The following CPQ variants were observed in gnomAD, a reference collection of about 807,000 sequenced individuals.
CPQ encodes carboxypeptidase Q.
CPQ carries 37 observed loss-of-function variants against 45.7 expected under a neutral mutation model. That is an observed-to-expected ratio of 0.81 (90% confidence interval 0.62 to 1.07). The LOEUF (loss-of-function observed/expected upper bound fraction) is 1.07. CPQ is among the 50% of genes least tolerant of loss of function. CPQ has a pLI of 0.00. For missense variants in CPQ, 537 were observed against 572.9 expected (o/e 0.94, Z 0.64); for synonymous variants, 186 against 205.8 (o/e 0.90, Z 0.82).
At chr8:97,021,986 T>A (rs1258282671) in intron 5 of CPQ, among the ~76,000 whole-genome samples, 3 of 152,112 alleles carry the variant, frequency 2.0e-5, no homozygotes, top group Admixed American at 6.6e-5. Flanking sequence ...ACAAACCATA[T>A]TATAAGGCCA....
chr8:97,093,273 G>T (rs1381258271), intron 7 of CPQ, among the ~76,000 whole-genome samples: 3 of 152,228 alleles, frequency 2.0e-5, no homozygotes, highest in Admixed American at 6.5e-5. Flanking sequence ...ATTTTTCAAA[G>T]AACTTAAAAC....
At chr8:96,888,014 G>T (rs1038793663) in intron 4 of CPQ, among the ~76,000 whole-genome samples, 6 of 152,140 alleles carry the variant, frequency 3.9e-5, no homozygotes, top group Non-Finnish European at 8.8e-5. Flanking sequence ...TTTTTTCAGT[G>T]TGGGGCAGGA....
chr8:97,007,144 C>T (rs985254668), intron 5 of CPQ, among the ~76,000 whole-genome samples: 3 of 152,140 alleles, frequency 2.0e-5, no homozygotes, highest in African/African-American at 7.2e-5. Flanking sequence ...AAGCAGGTCT[C>T]CAATATACCG....
intron 3 of CPQ, among the ~76,000 whole-genome samples, chr8:96,846,446 T>C (rs1258703709): frequency 6.6e-6 from 1 of 152,220 alleles, no homozygotes. Context: ...TTTTGTGTCA[T>C]AGAGTCTTTT....
At chr8:96,808,369 C>G (rs563964403) in intron 2 of CPQ, among the ~76,000 whole-genome samples, 2 of 152,244 alleles carry the variant, frequency 1.3e-5, no homozygotes, top group Admixed American at 1.3e-4. Context: ...TATGGGATCA[C>G]AGTGAGCCTG....
At chr8:96,680,702 G>C (rs1054855715) in intron 1 of CPQ, among the ~76,000 whole-genome samples, 11 of 152,188 alleles carry the variant, frequency 7.2e-5, no homozygotes, top group African/African-American at 2.7e-4. Context: ...TTGGGACTGG[G>C]TAACATGCAG....
intron 1 of CPQ, among the ~76,000 whole-genome samples, chr8:96,694,175 A>G (rs1206245358): frequency 6.6e-6 from 1 of 152,156 alleles, no homozygotes; most frequent in Non-Finnish European, 1.5e-5. Context: ...CTTCACAAAA[A>G]GGAAGACAGA....
intron 4 of CPQ, among the ~76,000 whole-genome samples, chr8:96,963,379 C>G (rs1444406212): frequency 6.6e-6 from 1 of 152,064 alleles, no homozygotes; most frequent in East Asian, 1.9e-4. Flanking sequence ...TTATTTTTCC[C>G]TCTTAGAAAC....
chr8:97,105,559 A>G (rs1811390390), intron 7 of CPQ, among the ~76,000 whole-genome samples: 1 of 152,228 alleles, frequency 6.6e-6, no homozygotes, highest in Non-Finnish European at 1.5e-5. Flanking sequence ...GCATTTTGAC[A>G]TAAATTACAG....
At position 96,662,663 on chromosome 8, in the gene CPQ, G is replaced by C. The variant is rs138431556; in HGVS notation, c.-35+17261G>C. On this transcript the variant is annotated intron_variant, in intron 1 of 7. Transcript: ENST00000220763. ...TTTTGGGGTAAGGAGCTGGGGTCTGGCATTTCCTTTTTGTTGGTTTTTCAA... is the reference window on the plus strand; with the variant it reads ...TTTTGGGGTAAGGAGCTGGGGTCTGCCATTTCCTTTTTGTTGGTTTTTCAA... Among the ~76,000 whole-genome samples the C allele has an allele frequency of 7.3e-4, 111 of 152,224 alleles. 1 individual carries two copies. In the East Asian group the frequency reaches 0.019, roughly 26 times the overall value.
chr8:96,859,904 T>C (rs573736283), intron 3 of CPQ, among the ~76,000 whole-genome samples: 20 of 152,196 alleles, frequency 1.3e-4, no homozygotes, highest in Non-Finnish European at 2.2e-4. Flanking sequence ...CAATTACTAA[T>C]ATCTGGAATT....
intron 1 of CPQ, among the ~76,000 whole-genome samples, chr8:96,717,024 AATATATATATATATATATATATAT>A (rs58338307): frequency 0.019 from 1,097 of 56,554 alleles, 59 homozygotes; most frequent in African/African-American, 0.06. Flanking sequence ...CCATGATATA[AATATATATATATATATATATATAT>A]ATATATATAT....
At chr8:97,126,309 A>G (rs148231583) in intron 7 of CPQ, among the ~76,000 whole-genome samples, 311 of 152,342 alleles carry the variant, frequency 2.0e-3, no homozygotes, top group African/African-American at 7.1e-3. Flanking sequence ...TTGGACAGGT[A>G]GCTGCTGGGC....
intron 1 of CPQ, among the ~76,000 whole-genome samples, chr8:96,732,133 A>G (rs1049139945): frequency 2.0e-5 from 3 of 152,340 alleles, no homozygotes; most frequent in East Asian, 1.9e-4. Context: ...TGTAAAATCT[A>G]TTACAGGAAA....
At chr8:96,909,629 C>G (rs1402089623) in intron 4 of CPQ, among the ~76,000 whole-genome samples, 1 of 152,044 alleles carries the variant, frequency 6.6e-6, no homozygotes, top group African/African-American at 2.4e-5. Flanking sequence ...GTGTGACTGT[C>G]CTGCTGTTAT....
rs573286492 is a variant in CPQ, at chr8:96,965,808, T to TAAAG, written c.850-125_850-122dup. On this transcript the variant is annotated intron_variant, in intron 4 of 7. Coordinates refer to ENST00000220763, the MANE Select transcript of CPQ (RefSeq NM_016134.4). ...TTCCACTAATAATGACACATATCTT[T>TAAAG]AAAGACATAAAAATAGGAAAGAAAA... 1.8e-3 allele frequency: 1,085 copies of TAAAG among 592,536 alleles called. 8 individuals are homozygous for TAAAG. In the African/African-American group the frequency reaches 0.019, roughly 10 times the overall value. 36.7% of individuals were successfully genotyped at this position (592,536 alleles called of 1,614,324 possible).
chr8:97,123,043 T>TAAAAA (rs1361629584), intron 7 of CPQ, among the ~76,000 whole-genome samples: 8 of 16,710 alleles, frequency 4.8e-4, no homozygotes, highest in Admixed American at 8.2e-4. Context: ...TAAAATAAAA[T>TAAAAA]AAATAAAATA....
At chr8:96,820,395 A>G (rs968881636) in intron 2 of CPQ, among the ~76,000 whole-genome samples, 8 of 152,020 alleles carry the variant, frequency 5.3e-5, no homozygotes, top group African/African-American at 1.7e-4. Context: ...ATAATTTACC[A>G]TCTTTATCTT....
intron 7 of CPQ, among the ~76,000 whole-genome samples, chr8:97,082,293 C>G (rs1053483621): frequency 6.6e-6 from 1 of 152,184 alleles, no homozygotes; most frequent in Non-Finnish European, 1.5e-5. Context: ...CAGCTCAAGA[C>G]ATATCTTTTC....
Sources: allele counts gnomAD v4.1 joint callset (sites outside exome capture counted in the v4.1 genomes callset), GRCh38; gene constraint gnomAD v4.1.1; transcripts MANE v1.5; gene names NCBI Gene and HGNC (gene_info 2026-07-23, HGNC 2026-07-21).